LOXHD1: variants seen among roughly 807,000 people sequenced by gnomAD.
The protein encoded by LOXHD1 is lipoxygenase homology domain-containing protein 1.
Under a neutral mutation model 248.2 loss-of-function variants are expected in LOXHD1, and 205 were observed. That is an observed-to-expected ratio of 0.83 (90% CI 0.74 to 0.93). The LOEUF (loss-of-function observed/expected upper bound fraction) is 0.93, where lower values mean the gene tolerates loss of function less well. Among genes scored for constraint, LOXHD1 ranks in the 40% least tolerant of loss-of-function variants. LOXHD1 has a pLI of 0.00. For synonymous variants in LOXHD1, 1,113 were observed against 1,162.8 expected (o/e 0.96, Z 0.87); for missense variants, 2,930 against 2,971.6 (o/e 0.99, Z 0.33).
At position 46,478,464 on chromosome 18, in the gene LOXHD1, G is replaced by A. The variant is rs143136040; in HGVS notation, c.6342-512C>T. 3.0e-3 allele frequency among the ~76,000 whole-genome samples: 452 copies of A among 152,190 alleles called. 2 individuals are homozygous for A. Among genetic ancestry groups the A allele is most frequent in the Middle Eastern group, 0.014 (4 of 294 alleles). On this transcript the variant is annotated intron_variant, in intron 40 of 40. Coordinates refer to ENST00000642948, the MANE Select transcript of LOXHD1 (RefSeq NM_001384474.1). ...TCATCTCCTATTTGGAAATTATCAA[G>A]AGCCTCCTAACTGGTCTTCTAGCTT...
At chr18:46,647,659 C>T (rs781604284) in intron 2 of LOXHD1, among the ~76,000 whole-genome samples, 19 of 152,186 alleles carry the variant, frequency 1.2e-4, no homozygotes, top group Non-Finnish European at 2.6e-4. Flanking sequence ...TACAAGAAGG[C>T]AGGTACCCTG....
At chr18:46,552,751 G>A (rs1182666305) in intron 21 of LOXHD1, among the ~76,000 whole-genome samples, 1 of 152,152 alleles carries the variant, frequency 6.6e-6, no homozygotes, top group African/African-American at 2.4e-5. Flanking sequence ...CCAAAAGCCT[G>A]GGTGTGTTTT....
At position 46,594,464 on chromosome 18, in the gene LOXHD1, C is replaced by T; in HGVS notation, c.1137G>A (p.Val379=). ...GVNRGWFCEK[V]VILCPFTGIQ... ...TACCAGTGAAGGGGCACAGAATCAC[C>T]ACCTGGGGAGAGTGGAGCACAGTGT... Residue 379 remains valine (V), a splice_region_variant and synonymous_variant, in exon 9 of 41, where the codon GTG becomes GTA. Coordinates refer to ENST00000642948, the MANE Select transcript of LOXHD1 (RefSeq NM_001384474.1). The T allele has an allele frequency of 1.3e-6, 2 of 1,551,300 alleles. No individual in the cohort carries two copies.
At chr18:46,575,223 G>A (rs2037831490) in intron 14 of LOXHD1, among the ~76,000 whole-genome samples, 1 of 152,106 alleles carries the variant, frequency 6.6e-6, no homozygotes, top group Non-Finnish European at 1.5e-5. Context: ...AAAAGCCTGG[G>A]GCTTTCAGTT....
chr18:46,504,515 A>G (rs1598865093), intron 37 of LOXHD1, among the ~76,000 whole-genome samples: 1 of 152,260 alleles, frequency 6.6e-6, no homozygotes, highest in East Asian at 1.9e-4. Context: ...GGTGGGATAC[A>G]CTGAAATTTG....
At chr18:46,502,779 T>C (rs1389405533) in intron 37 of LOXHD1, among the ~76,000 whole-genome samples, 4 of 152,196 alleles carry the variant, frequency 2.6e-5, no homozygotes, top group Non-Finnish European at 5.9e-5. Context: ...GGCTCTGGCA[T>C]GGAAAAGTTG....
chr18:46,560,302 C>G lies in LOXHD1; in HGVS notation c.2842G>C (p.Glu948Gln), dbSNP rs531175489. 121 of 1,552,018 alleles carry G rather than the reference C, an allele frequency of 7.8e-5. 2 individuals carry two copies. The South Asian group carries it at 1.4e-3, about 18-fold the overall frequency. ...TCCTCTTCCTCCCCCTCGTCCTCTT[C>G]GTCGCTGCCCTTCCTCTTCTTCTTC... Reference protein sequence around the residue: ...RKKKKRKGSDEEDEGEEEESS... With the variant: ...RKKKKRKGSDQEDEGEEEESS... The change falls in exon 19 of 41, where the codon GAA becomes CAA. Residue 948 changes from glutamate (E) to glutamine (Q), a missense_variant. Coordinates refer to ENST00000642948, the MANE Select transcript of LOXHD1 (RefSeq NM_001384474.1).
chr18:46,484,978 T>C, intron 39 of LOXHD1, 41 bp downstream of exon 39: 1 of 1,539,970 alleles, frequency 6.5e-7, no homozygotes, highest in Non-Finnish European at 8.8e-7. Flanking sequence ...CTCCCTTACC[T>C]ACCCACCCCC....
At chr18:46,551,623 C>T (rs1409366120) in intron 21 of LOXHD1, among the ~76,000 whole-genome samples, 6 of 151,784 alleles carry the variant, frequency 4.0e-5, no homozygotes, top group African/African-American at 1.5e-4. Context: ...CATTTTTTTT[C>T]AGAGTGGCCA....
At chr18:46,594,610 A>G in intron 8 of LOXHD1, 144 bp from the exon 9 acceptor site, 1 of 989,578 alleles carries the variant, frequency 1.0e-6, no homozygotes, top group South Asian at 1.7e-5. Context: ...TGCCTATCTC[A>G]TTAAATCTTA....
chr18:46,542,578 G>A (rs186473210), intron 24 of LOXHD1, 149 bp downstream of exon 24: 19 of 926,920 alleles, frequency 2.0e-5, no homozygotes, highest in Non-Finnish European at 2.9e-5. Context: ...GGACTCTCTC[G>A]GCTCTACTGG....
chr18:46,639,618 C>T lies in LOXHD1; in HGVS notation c.509G>A (p.Arg170Lys). The change falls in exon 4 of 41, where the codon AGA becomes AAA. Residue 170 changes from arginine to lysine, a missense_variant and splice_region_variant. Arg to Lys is a conservative substitution (Grantham distance 26, BLOSUM62 2). Coordinates refer to ENST00000642948, the MANE Select transcript of LOXHD1 (RefSeq NM_001384474.1). ...LASFNPMDMP[R>K]GNKYEVKVYT... ...GGCAGGCCAGCCTAGGCACTGACCT[C>T]TGGGCATGTCCATGGGGTTGAAGCT... The T allele has an allele frequency of 6.4e-7, 1 of 1,551,192 alleles. No individual in the cohort carries two copies. Among genetic ancestry groups the T allele is most frequent in the Non-Finnish European group, 8.7e-7 (1 of 1,146,674 alleles).
At chr18:46,553,810 G>A (rs1568177442) in intron 21 of LOXHD1, among the ~76,000 whole-genome samples, 1 of 152,210 alleles carries the variant, frequency 6.6e-6, no homozygotes, top group Non-Finnish European at 1.5e-5. Flanking sequence ...GCCTCACTGA[G>A]AAGGTGACAT....
chr18:46,549,354 T>TGAG (rs10664300), intron 21 of LOXHD1, among the ~76,000 whole-genome samples: 103,033 of 151,842 alleles, frequency 0.68, 35,600 homozygotes, highest in Non-Finnish European at 0.76. Flanking sequence ...AAAAATGGAA[T>TGAG]GAGATTGCAA....
rs1457481553 is a variant in LOXHD1, at chr18:46,639,777, A to C, written c.350T>G (p.Leu117Trp). Reference protein sequence around the residue: ...KVRIEHDNTGLNASWYLDHVI... With the variant: ...KVRIEHDNTGWNASWYLDHVI... ...ATGGTCCAGGTACCAGCTGGCATTC[A>C]AGCCCGTGTTGTCATGCTCAATCCT... The change falls in exon 4 of 41, where the codon TTG becomes TGG. Residue 117 changes from leucine (L) to tryptophan (W), a missense_variant. Leu to Trp is a moderately conservative substitution (Grantham distance 61). Transcript: ENST00000642948. 6.4e-7 allele frequency: 1 copy of C among 1,551,692 alleles called. No homozygotes were observed. The highest frequency in any genetic ancestry group is 8.7e-7 in the Non-Finnish European group (1 of 1,146,992).
At chr18:46,578,069 A>C (rs186134745) in intron 13 of LOXHD1, among the ~76,000 whole-genome samples, 5 of 152,284 alleles carry the variant, frequency 3.3e-5, no homozygotes, top group African/African-American at 1.2e-4. Flanking sequence ...ATCCAATGTC[A>C]AGTTTCCAGC....
chr18:46,503,486 T>A (rs1373253341), intron 37 of LOXHD1, among the ~76,000 whole-genome samples: 1 of 152,146 alleles, frequency 6.6e-6, no homozygotes, highest in African/African-American at 2.4e-5. Context: ...CATCCTGATT[T>A]TGTGAAGTGT....
Position 46,477,566 on chromosome 18 carries a change from C to A in LOXHD1, c.6728G>T (p.Ser2243Ile). Residue 2243 changes from serine (S) to isoleucine (I), a missense_variant, in exon 41 of 41, where the codon AGC becomes ATC. Physicochemically the swap from Ser to Ile is moderately radical, Grantham distance 142 (BLOSUM62 -2). Coordinates refer to ENST00000642948, the MANE Select transcript of LOXHD1 (RefSeq NM_001384474.1). ...LVEKVEVTNT[S>I]TGVATIFNCG... ...GTTGAAGATGGTGGCCACGCCGGTG[C>A]TGGTGTTGGTGACCTCCACCTTCTC... 1 of 1,551,724 alleles carries A rather than the reference C, an allele frequency of 6.4e-7. No homozygotes were observed. The highest frequency in any genetic ancestry group is 1.2e-5 in the South Asian group (1 of 84,066).
rs1019289201 is a variant in LOXHD1 at position 46,545,569 on chromosome 18, G to A, written c.3515-148C>T. ...ATTTTTCTCTTGCCCCTTCAATCCT[G>A]TATCTGTGAGCCCAGTGATTAGTAA... On this transcript the variant is annotated intron_variant, in intron 22 of 40. Coordinates refer to ENST00000642948, the MANE Select transcript of LOXHD1 (RefSeq NM_001384474.1). 6.7e-6 allele frequency: 4 copies of A among 596,144 alleles called. No homozygotes were observed. In the East Asian group the frequency reaches 8.8e-5, roughly 13 times the overall value. The allele number at this position is 596,144 out of a possible 1,614,324, so 36.9% of individuals were successfully genotyped here.
Sources: allele counts gnomAD v4.1 joint callset (sites outside exome capture counted in the v4.1 genomes callset), GRCh38; gene constraint gnomAD v4.1.1; transcripts MANE v1.5; gene names NCBI Gene and HGNC (gene_info 2026-07-23, HGNC 2026-07-21).